The following GRID1 variants were observed in gnomAD, a reference collection of about 807,000 sequenced individuals.
The protein encoded by GRID1 is glutamate ionotropic receptor delta type subunit 1.
Under a neutral mutation model 98.0 loss-of-function variants are expected in GRID1, and 28 were observed. That is an observed-to-expected ratio of 0.29 (90% confidence interval 0.21 to 0.39). The LOEUF (loss-of-function observed/expected upper bound fraction) is 0.39, where lower values mean the gene tolerates loss of function less well. Ranked by LOEUF, GRID1 falls within the 10% of genes least tolerant of loss-of-function variation. The pLI is 1.00. For synonymous variants in GRID1, 553 were observed against 538.5 expected, an observed-to-expected ratio of 1.03 and a Z score of -0.37; for missense variants, 1,111 against 1,340.5, an observed-to-expected ratio of 0.83 and a Z score of 2.67.
chr10:85,904,126 A>C (rs1164482759), intron 5 of GRID1, among the ~76,000 whole-genome samples: 1 of 152,242 alleles, frequency 6.6e-6, no homozygotes, highest in African/African-American at 2.4e-5. Context: ...CCACAATACC[A>C]GGAGTTTTCT....
chr10:86,334,519 CT>C (rs1263995515), intron 2 of GRID1, among the ~76,000 whole-genome samples: 1 of 152,192 alleles, frequency 6.6e-6, no homozygotes, highest in Admixed American at 6.5e-5. Flanking sequence ...ACATGTCAGA[CT>C]TTTTCAGGCC....
intron 3 of GRID1, among the ~76,000 whole-genome samples, chr10:86,166,330 A>G (rs1049734582): frequency 6.6e-6 from 1 of 152,240 alleles, no homozygotes; most frequent in Non-Finnish European, 1.5e-5. Context: ...CAGAATCTAC[A>G]AAGAACTTGA....
chr10:85,872,161 A>G (rs1222433878), intron 5 of GRID1, among the ~76,000 whole-genome samples: 2 of 152,108 alleles, frequency 1.3e-5, no homozygotes, highest in South Asian at 2.1e-4. Flanking sequence ...AGGATACAGA[A>G]TAAGAGAAAT....
At chr10:85,644,925 T>A (rs2132549655) in intron 13 of GRID1, among the ~76,000 whole-genome samples, 1 of 152,378 alleles carries the variant, frequency 6.6e-6, no homozygotes, top group East Asian at 1.9e-4. Context: ...CATCTCTTCA[T>A]TTGATTACTG....
chr10:86,113,558 AC>A (rs1844522030), intron 4 of GRID1, among the ~76,000 whole-genome samples: 1 of 152,172 alleles, frequency 6.6e-6, no homozygotes, highest in South Asian at 2.1e-4. Context: ...AGAACTCTTC[AC>A]CACATGATAT....
intron 4 of GRID1, among the ~76,000 whole-genome samples, chr10:85,935,172 A>T (rs1219792306): frequency 6.6e-6 from 1 of 152,172 alleles, no homozygotes; most frequent in African/African-American, 2.4e-5. Context: ...TAAAGATGAG[A>T]CAGCAGATGC....
chr10:85,844,266 T>C (rs1842986175), intron 8 of GRID1, among the ~76,000 whole-genome samples: 1 of 151,644 alleles, frequency 6.6e-6, no homozygotes, highest in Non-Finnish European at 1.5e-5. Flanking sequence ...TATCAGGAGG[T>C]AGGAACAAGA....
intron 13 of GRID1, among the ~76,000 whole-genome samples, chr10:85,625,134 T>C (rs1842897198): frequency 6.6e-6 from 1 of 152,244 alleles, no homozygotes; most frequent in African/African-American, 2.4e-5. Context: ...AGATTGATCA[T>C]CACCTAATAG....
intron 8 of GRID1, among the ~76,000 whole-genome samples, chr10:85,791,640 G>C (rs912096299): frequency 6.6e-6 from 1 of 152,118 alleles, no homozygotes; most frequent in Non-Finnish European, 1.5e-5. Context: ...AGCCAGCATG[G>C]GGAGAAAAGC....
intron 5 of GRID1, among the ~76,000 whole-genome samples, chr10:85,891,390 A>G (rs375166951): frequency 8.1e-4 from 123 of 152,274 alleles, no homozygotes; most frequent in African/African-American, 2.8e-3. Flanking sequence ...ACAAGACCCA[A>G]TTTTGTAGAC....
At chr10:86,287,677 C>G (rs1417698821) in intron 2 of GRID1, among the ~76,000 whole-genome samples, 3 of 152,130 alleles carry the variant, frequency 2.0e-5, no homozygotes, top group African/African-American at 7.2e-5. Context: ...GACCGCGTAT[C>G]CTCGTTTGCC....
Position 86,366,360 on chromosome 10 carries a change from C to A in GRID1, c.33G>T (p.Trp11Cys), listed in dbSNP as rs553853362. The A allele has an allele frequency of 6.6e-7, 1 of 1,522,460 alleles. No homozygotes were observed. The highest frequency in any genetic ancestry group is 8.8e-7 in the Non-Finnish European group (1 of 1,133,250). The allele number at this position is 1,522,460 out of a possible 1,614,324, so 94.3% of individuals were successfully genotyped here. A position where few individuals can be genotyped will look rare whatever the true frequency, so the allele number is the denominator to read the frequency against. The change falls in exon 1 of 16, where the codon TGG becomes TGT. Residue 11 changes from tryptophan (W) to cysteine (C), a missense_variant. Trp to Cys is a radical substitution (Grantham distance 215, BLOSUM62 -2). Transcript: ENST00000327946. The surrounding 1 kb of genome is among the most constrained non-coding windows in gnomAD (Gnocchi z 4.1). MEALTLWLLP[W>C]ICQCVSVRAD... ...CCCGCACCGACACGCACTGGCATATCCAGGGGAGAAGCCACAGCGTCAGCG... is the reference window on the plus strand; with the variant it reads ...CCCGCACCGACACGCACTGGCATATACAGGGGAGAAGCCACAGCGTCAGCG...
intron 8 of GRID1, among the ~76,000 whole-genome samples, chr10:85,820,079 T>A (rs12766948): frequency 0.024 from 1,783 of 75,392 alleles, 23 homozygotes; most frequent in Middle Eastern, 0.042. Context: ...GGAAGGCAGG[T>A]AGGCAGGCAG....
chr10:85,628,091 C>A (rs149337764), intron 13 of GRID1, among the ~76,000 whole-genome samples: 110 of 150,988 alleles, frequency 7.3e-4, no homozygotes, highest in African/African-American at 2.5e-3. Context: ...ATAGATGTGT[C>A]CATGTGGATG....
chr10:86,003,363 A>G (rs553193534), intron 4 of GRID1, among the ~76,000 whole-genome samples: 1 of 152,376 alleles, frequency 6.6e-6, no homozygotes, highest in East Asian at 1.9e-4. Flanking sequence ...CTGTTCATCC[A>G]GATATAGCCC....
Position 86,298,148 on chromosome 10 carries a change from C to T in GRID1, c.235+65793G>A, listed in dbSNP as rs554867776. Among the ~76,000 whole-genome samples, 70 of 152,286 alleles carry T rather than the reference C, an allele frequency of 4.6e-4. 1 individual carries two copies. The highest frequency in any genetic ancestry group is 1.6e-3 in the African/African-American group (68 of 41,556). ...CAGAAACAGAAAACAATCTAAACCT[C>T]TAACAAAAGGTGATGTTTAAATAAA... On this transcript the variant is annotated intron_variant, in intron 2 of 15. Transcript: ENST00000327946.
intron 2 of GRID1, among the ~76,000 whole-genome samples, chr10:86,249,160 C>T (rs1409353335): frequency 1.3e-5 from 2 of 152,184 alleles, no homozygotes; most frequent in Non-Finnish European, 2.9e-5. Context: ...TGGAAAGCCA[C>T]GATTAGGTGG....
chr10:85,599,802 A>AAAAAAAAAAAAAAAAAAAAT lies in GRID1; in HGVS notation c.*2470_*2471insATTTTTTTTTTTTTTTTTTT. 6 of 64,980 alleles carry AAAAAAAAAAAAAAAAAAAAT rather than the reference A, an allele frequency of 9.2e-5. No individual in the cohort carries two copies. Among genetic ancestry groups the AAAAAAAAAAAAAAAAAAAAT allele is most frequent in the African/African-American group, 3.7e-4 (4 of 10,728 alleles). 4.0% of individuals were successfully genotyped at this position (64,980 alleles called of 1,614,324 possible). ...GTAGAAAATTCTAAAAAAAAAAAAA[A>AAAAAAAAAAAAAAAAAAAAT]ATATATATATATATATATAAACATG... On this transcript the variant is annotated 3_prime_UTR_variant, in exon 16 of 16. Transcript: ENST00000327946.
intron 8 of GRID1, among the ~76,000 whole-genome samples, chr10:85,814,689 TAATC>T (rs1219218963): frequency 6.6e-6 from 1 of 151,956 alleles, no homozygotes; most frequent in Non-Finnish European, 1.5e-5. Flanking sequence ...TTGATGAAAA[TAATC>T]AATACCTTGA....
Sources: gnomAD v4.1 joint callset for allele counts (sites outside exome capture counted in the v4.1 genomes callset) on GRCh38, gnomAD v4.1.1 for gene constraint, Gnocchi (gnomAD v3.1) non-coding constraint, MANE v1.5 for transcripts, NCBI Gene and HGNC (gene_info 2026-07-23, HGNC 2026-07-21) for gene names.